Variants in ZNF215 observed in about 807,000 individuals in gnomAD.
The protein encoded by ZNF215 is zinc finger protein 215.
A neutral mutation model predicts 27.2 loss-of-function variants in ZNF215; 24 were observed. The ratio of observed to expected loss-of-function variants is 0.88; its 90% CI spans 0.64 to 1.24. The LOEUF (loss-of-function observed/expected upper bound fraction) is 1.24, where lower values mean the gene tolerates loss of function less well. Ranked by LOEUF, ZNF215 falls within the 50% of genes most tolerant of loss-of-function variation. The pLI is 0.00. For synonymous variants in ZNF215, 210 were observed against 204.0 expected (o/e 1.03, Z -0.25); for missense variants, 675 against 605.7 (o/e 1.11, Z -1.20).
chr11:6,941,587 C>T lies in ZNF215; in HGVS notation c.417C>T (p.Asp139=). Reference sequence around the variant, plus strand: ...CTTCCTCAGATATGCCCTGCAAGGACTCTGCCCTGCAGATGGGGAGCATCA... The same window carrying T: ...CTTCCTCAGATATGCCCTGCAAGGATTCTGCCCTGCAGATGGGGAGCATCA... The part of the protein sequence containing the change: ...MLEDEDMPCK[D]SALQMGSIKE... The change falls in exon 4 of 7, where the codon GAC becomes GAT. Residue 139 remains aspartate, a synonymous_variant. Transcript: ENST00000278319. 1 of 1,614,024 alleles carries T rather than the reference C, an allele frequency of 6.2e-7. No homozygotes were observed. The highest frequency in any genetic ancestry group is 8.5e-7 in the Non-Finnish European group (1 of 1,179,896).
At chr11:6,953,972 A>G (rs889043474) in intron 6 of ZNF215, among the ~76,000 whole-genome samples, 3 of 152,128 alleles carry the variant, frequency 2.0e-5, no homozygotes, top group African/African-American at 7.2e-5. Context: ...CCTCAGCTGC[A>G]GGTCTGTTGG....
At chr11:6,968,094 T>C (rs1850657942) in intron 5 of ZNF215, among the ~76,000 whole-genome samples, 1 of 152,250 alleles carries the variant, frequency 6.6e-6, no homozygotes, top group Non-Finnish European at 1.5e-5. Context: ...CAGATGGTTG[T>C]AGATGTGTGG....
intron 3 of ZNF215, among the ~76,000 whole-genome samples, chr11:6,940,298 A>G (rs1325549094): frequency 6.6e-6 from 1 of 151,794 alleles, no homozygotes; most frequent in Non-Finnish European, 1.5e-5. Flanking sequence ...TTGCTGAGAA[A>G]TTTGGATTTT....
At chr11:6,985,551 A>G (rs1453262313), downstream of ZNF215, among the ~76,000 whole-genome samples, 3 of 152,192 alleles carry the variant, frequency 2.0e-5, no homozygotes, top group Non-Finnish European at 4.4e-5. Context: ...TGAAACAATC[A>G]GGTAAGAGAA....
chr11:6,992,559 T>C (rs1851127031), downstream of ZNF215, among the ~76,000 whole-genome samples: 1 of 152,216 alleles, frequency 6.6e-6, no homozygotes, highest in Non-Finnish European at 1.5e-5. Flanking sequence ...AATACTCAGC[T>C]GTATTAGATT....
intron 6 of ZNF215, among the ~76,000 whole-genome samples, chr11:6,994,210 A>T (rs1851152340): frequency 1.7e-5 from 2 of 120,072 alleles, no homozygotes; most frequent in Non-Finnish European, 3.7e-5. Context: ...TTATATATTA[A>T]TACCATTTAA....
chr11:6,943,460 C>T (rs943597404), intron 5 of ZNF215, 86 bp from the exon 6 acceptor site: 25 of 1,303,196 alleles, frequency 1.9e-5, no homozygotes, highest in African/African-American at 8.8e-5. Context: ...ATTACTGTGT[C>T]GGGATAGAAT....
chr11:6,962,237 A>C (rs896578618), downstream of ZNF215, among the ~76,000 whole-genome samples: 1 of 152,164 alleles, frequency 6.6e-6, no homozygotes, highest in Non-Finnish European at 1.5e-5. Context: ...TCATGTAAAG[A>C]GGGCACTTTG....
chr11:6,994,024 C>G (rs577189328), intron 6 of ZNF215, among the ~76,000 whole-genome samples: 64 of 152,118 alleles, frequency 4.2e-4, no homozygotes, highest in African/African-American at 1.5e-3. Context: ...AAAATGGTCC[C>G]AAGTATAGTG....
At chr11:6,955,641 A>G (rs1590071284) in intron 6 of ZNF215, 49 bp from the exon 7 acceptor site, 1 of 1,518,852 alleles carries the variant, frequency 6.6e-7, no homozygotes, top group Non-Finnish European at 8.8e-7. Context: ...TCCATTTCCT[A>G]TTGAAGCAGT....
chr11:6,956,444 A>T lies in ZNF215; in HGVS notation c.1467A>T (p.Pro489=). ...RHQMIHTGEK[P]FKCKECSKAF... ...AAATGATTCACACGGGAGAGAAACC[A>T]TTCAAATGTAAGGAATGTAGTAAAG... The change falls in exon 7 of 7, where the codon CCA becomes CCT. Residue 489 remains proline, a synonymous_variant. Transcript: ENST00000278319. The T allele has an allele frequency of 6.2e-7, 1 of 1,614,156 alleles. No individual in the cohort carries two copies.
intron 4 of ZNF215, 21 bp from the exon 5 acceptor site, chr11:6,943,062 A>T (rs1849684166): frequency 6.2e-7 from 1 of 1,606,348 alleles, no homozygotes; most frequent in African/African-American, 1.3e-5. Context: ...CCTTTGATTA[A>T]AAAGGAACTT....
At chr11:6,993,541 T>A (rs902558377), downstream of ZNF215, among the ~76,000 whole-genome samples, 1 of 152,170 alleles carries the variant, frequency 6.6e-6, no homozygotes, top group African/African-American at 2.4e-5. Flanking sequence ...CACTTACCCT[T>A]CCATGATCCT....
At chr11:6,993,963 T>C (rs1219448686) in intron 6 of ZNF215, among the ~76,000 whole-genome samples, 1 of 152,138 alleles carries the variant, frequency 6.6e-6, no homozygotes, top group African/African-American at 2.4e-5. Flanking sequence ...TTTCACAATA[T>C]ATTTAGTGCT....
Position 6,957,267 on chromosome 11 carries a change from C to A in ZNF215, c.*736C>A. ...AAATATCGATTCCCAGCCAGGGACA[C>A]TGTGTGGAGTTCGCACACTCTCCCT... is the stretch of plus-strand genomic sequence containing the variant. On this transcript the variant is annotated 3_prime_UTR_variant, in exon 7 of 7. Coordinates refer to ENST00000278319, the MANE Select transcript of ZNF215 (RefSeq NM_013250.4). The A allele has an allele frequency of 9.1e-6, 8 of 878,178 alleles. No homozygotes were observed. The highest frequency in any genetic ancestry group is 1.1e-5 in the Non-Finnish European group (8 of 732,268). The allele number at this position is 878,178 out of a possible 1,614,324, so 54.4% of individuals were successfully genotyped here.
In ZNF215 at chr11:6,969,489, T is replaced by C. The variant is rs1476828706; in HGVS notation, c.805+13707T>C. On this transcript the variant is annotated intron_variant, in intron 5 of 5. Transcript: ENST00000529903. ...CAAACAAGAAAATTTTCAACCTATG[T>C]GTACAAATAACTTGAATGTACTCCA... Among the ~76,000 whole-genome samples the C allele has an allele frequency of 2.0e-5, 3 of 152,256 alleles. No homozygotes were observed. In the East Asian group the frequency reaches 5.8e-4, roughly 29 times the overall value.
chr11:6,984,117 T>A, intron 5 of ZNF215: 1 of 418,080 alleles, frequency 2.4e-6, no homozygotes, highest in Non-Finnish European at 4.7e-6. Flanking sequence ...CTTAAATTTT[T>A]TTTTTTTTCA....
At chr11:6,958,415 C>T (rs1318887482), downstream of ZNF215, among the ~76,000 whole-genome samples, 1 of 152,134 alleles carries the variant, frequency 6.6e-6, no homozygotes, top group Non-Finnish European at 1.5e-5. Context: ...AATCTCCAAG[C>T]TTTCTTAAAA....
chr11:6,972,423 A>G (rs926558818), intron 5 of ZNF215, among the ~76,000 whole-genome samples: 2 of 147,134 alleles, frequency 1.4e-5, no homozygotes, highest in Non-Finnish European at 3.0e-5. Flanking sequence ...TTTTTTTTTT[A>G]ACCAATATTG....
Sources: allele counts gnomAD v4.1 joint callset (sites outside exome capture counted in the v4.1 genomes callset), GRCh38; gene constraint gnomAD v4.1.1; transcripts MANE v1.5; gene names NCBI Gene and HGNC (gene_info 2026-07-23, HGNC 2026-07-21).